PLXNA4: variants seen among roughly 807,000 people sequenced by gnomAD.
PLXNA4 encodes the protein plexin A4, also known as plexin-A4.
In PLXNA4, 44 loss-of-function variants were observed where a neutral mutation model predicts 191.8. The ratio of observed to expected loss-of-function variants is 0.23; its 90% CI spans 0.18 to 0.29. The LOEUF (loss-of-function observed/expected upper bound fraction) is 0.29. PLXNA4 is among the 10% of genes least tolerant of loss of function. The pLI is 1.00. For synonymous variants in PLXNA4, 1,082 were observed against 1,009.5 expected, an observed-to-expected ratio of 1.07 and a Z score of -1.36; for missense variants, 1,800 against 2,488.8, an observed-to-expected ratio of 0.72 and a Z score of 5.89.
At chr7:132,358,655 G>A (rs889488153) in intron 3 of PLXNA4, among the ~76,000 whole-genome samples, 1 of 152,202 alleles carries the variant, frequency 6.6e-6, no homozygotes, top group African/African-American at 2.4e-5. Context: ...CTCTATGACA[G>A]TGACTTGGGT....
chr7:132,350,510 TAAAAATA>T (rs891306269), intron 3 of PLXNA4, among the ~76,000 whole-genome samples: 8 of 151,668 alleles, frequency 5.3e-5, no homozygotes, highest in Non-Finnish European at 2.9e-5. Context: ...TCTCAAAAAA[TAAAAATA>T]AAAAATAAAA....
chr7:132,253,997 C>T lies in PLXNA4; in HGVS notation c.1504-12831G>A, dbSNP rs528354453. On this transcript the variant is annotated intron_variant, in intron 4 of 31. Transcript: ENST00000321063. ...AGGACCTGGGCTGTAATCCTAGACC[C>T]GTTCCTTACTTCTGCAAGCCCTTAG... Among the ~76,000 whole-genome samples the T allele has an allele frequency of 5.9e-5, 9 of 152,284 alleles. 1 individual carries two copies. The highest frequency in any genetic ancestry group is 2.2e-4 in the African/African-American group (9 of 41,550).
chr7:132,618,794 A>T (rs1803205656), intron 2 of PLXNA4, among the ~76,000 whole-genome samples: 1 of 152,250 alleles, frequency 6.6e-6, no homozygotes, highest in South Asian at 2.1e-4. Flanking sequence ...AGACAAGAAG[A>T]TTATATCATA....
intron 14 of PLXNA4, among the ~76,000 whole-genome samples, 188 bp downstream of exon 14, chr7:132,193,874 A>G (rs1037252552): frequency 2.0e-5 from 3 of 152,192 alleles, no homozygotes; most frequent in African/African-American, 7.2e-5. Flanking sequence ...CTGGATTTGA[A>G]TCCAGGTCTT....
intron 4 of PLXNA4, among the ~76,000 whole-genome samples, chr7:132,266,012 G>T (rs1004646043): frequency 5.3e-5 from 8 of 152,166 alleles, no homozygotes; most frequent in African/African-American, 1.9e-4. Flanking sequence ...AGAAGAAGTT[G>T]ACTCAGTATC....
At chr7:132,252,802 T>C (rs1799301574) in intron 4 of PLXNA4, among the ~76,000 whole-genome samples, 1 of 152,222 alleles carries the variant, frequency 6.6e-6, no homozygotes, top group African/African-American at 2.4e-5. Context: ...TGTAGTAATG[T>C]CTGTTTGGAA....
At chr7:132,138,711 A>G (rs1417045065) in intron 30 of PLXNA4, among the ~76,000 whole-genome samples, 1 of 152,178 alleles carries the variant, frequency 6.6e-6, no homozygotes, top group Non-Finnish European at 1.5e-5. Context: ...ATCACTCCTA[A>G]AAATAACCCA....
intron 3 of PLXNA4, among the ~76,000 whole-genome samples, chr7:132,370,458 TG>T (rs1252103842): frequency 3.9e-5 from 6 of 152,236 alleles, no homozygotes; most frequent in African/African-American, 1.4e-4. Flanking sequence ...GATGCTCTCC[TG>T]GCCTTATTTA....
chr7:132,238,958 GAGGCAGGGGAGAC>G (rs1430407095), intron 5 of PLXNA4, among the ~76,000 whole-genome samples: 3 of 152,142 alleles, frequency 2.0e-5, no homozygotes, highest in African/African-American at 7.2e-5. Flanking sequence ...GTGACTCAGT[GAGGCAGGGGAGAC>G]AGGCATCACC....
At chr7:132,254,658 A>C (rs944654853) in intron 4 of PLXNA4, among the ~76,000 whole-genome samples, 1 of 152,224 alleles carries the variant, frequency 6.6e-6, no homozygotes, top group Non-Finnish European at 1.5e-5. Context: ...TCTAGGCTGC[A>C]GACGTAATGC....
At chr7:132,268,993 A>T (rs1272607222) in intron 4 of PLXNA4, among the ~76,000 whole-genome samples, 2 of 152,232 alleles carry the variant, frequency 1.3e-5, no homozygotes, top group Non-Finnish European at 2.9e-5. Flanking sequence ...AGTGGGGGCT[A>T]TGTAAAAACA....
chr7:132,423,094 G>A (rs1019435968), intron 3 of PLXNA4, among the ~76,000 whole-genome samples: 4 of 152,156 alleles, frequency 2.6e-5, no homozygotes, highest in Non-Finnish European at 5.9e-5. Context: ...CTCCTGAACC[G>A]TGTTCATCCT....
At chr7:132,600,721 T>A (rs1371961989) in intron 2 of PLXNA4, among the ~76,000 whole-genome samples, 1 of 152,200 alleles carries the variant, frequency 6.6e-6, no homozygotes, top group Non-Finnish European at 1.5e-5. Flanking sequence ...TTTCTAAAAA[T>A]GTATCCATTA....
intron 3 of PLXNA4, among the ~76,000 whole-genome samples, chr7:132,355,374 T>G (rs946112642): frequency 6.6e-6 from 1 of 152,180 alleles, no homozygotes; most frequent in South Asian, 2.1e-4. Flanking sequence ...CCTGAGTCAG[T>G]CTCTGTTAGT....
chr7:132,291,574 T>A (rs1043529005), intron 4 of PLXNA4, among the ~76,000 whole-genome samples: 1 of 152,140 alleles, frequency 6.6e-6, no homozygotes, highest in African/African-American at 2.4e-5. Context: ...AGGGAATGGG[T>A]GACAGAGCCA....
intron 3 of PLXNA4, among the ~76,000 whole-genome samples, chr7:132,412,259 C>T (rs1794487691): frequency 6.6e-6 from 1 of 152,210 alleles, no homozygotes; most frequent in South Asian, 2.1e-4. Context: ...TGGCATATCT[C>T]CCCCTCCAGA....
At chr7:132,454,333 GAAC>G (rs966051520) in intron 3 of PLXNA4, among the ~76,000 whole-genome samples, 4 of 152,088 alleles carry the variant, frequency 2.6e-5, no homozygotes, top group Admixed American at 2.6e-4. Flanking sequence ...GCCTTCTTAA[GAAC>G]AACAACAAGA....
At chr7:132,586,165 G>A (rs1439296475) in intron 2 of PLXNA4, among the ~76,000 whole-genome samples, 3 of 152,116 alleles carry the variant, frequency 2.0e-5, no homozygotes, top group African/African-American at 4.8e-5. Context: ...CATGAAGGAC[G>A]GTTTTCTTAG....
intron 25 of PLXNA4, among the ~76,000 whole-genome samples, chr7:132,157,031 A>T (rs999617979): frequency 3.3e-5 from 5 of 152,176 alleles, no homozygotes; most frequent in African/African-American, 1.2e-4. Flanking sequence ...TGAGGTTCAA[A>T]CTGCCCCAGG....
Sources: gnomAD v4.1 joint callset for allele counts (sites outside exome capture counted in the v4.1 genomes callset) on GRCh38, gnomAD v4.1.1 for gene constraint, MANE v1.5 for transcripts, NCBI Gene and HGNC (gene_info 2026-07-23, HGNC 2026-07-21) for gene names.